PIGV: variants seen among roughly 807,000 people sequenced by gnomAD.
PIGV encodes GPI alpha-1,6-mannosyltransferase 2.
A neutral mutation model predicts 39.2 loss-of-function variants in PIGV; 27 were observed. That is an observed-to-expected ratio of 0.69 (90% CI 0.51 to 0.95). The LOEUF (loss-of-function observed/expected upper bound fraction) is 0.95. Among genes scored for constraint, PIGV ranks in the 40% least tolerant of loss-of-function variants. The probability of loss-of-function intolerance (pLI) is 0.00; values close to 1 mark genes in which losing one functional copy is unlikely to be tolerated. For missense variants in PIGV, 523 were observed against 586.4 expected, an observed-to-expected ratio of 0.89 and a Z score of 1.12; for synonymous variants, 232 against 241.7, an observed-to-expected ratio of 0.96 and a Z score of 0.37.
In PIGV at chr1:26,800,511, C is replaced by T. The variant is rs535499756; in HGVS notation, c.*2667C>T. The stretch of plus-strand genomic sequence containing the variant: ...GTTTGACATACCTTTACCAGTCCTC[C>T]TGGAAAAATGTTACTTTTATTGAAT... On this transcript the variant is annotated 3_prime_UTR_variant, in exon 4 of 4. Transcript: ENST00000674202. 6.6e-6 allele frequency among the ~76,000 whole-genome samples: 1 copy of T among 152,070 alleles called. No homozygotes were observed. Among genetic ancestry groups the T allele is most frequent in the South Asian group, 2.1e-4 (1 of 4,812 alleles).
At chr1:26,791,480 T>C (rs889793787) in intron 2 of PIGV, among the ~76,000 whole-genome samples, 1 of 152,210 alleles carries the variant, frequency 6.6e-6, no homozygotes, top group Non-Finnish European at 1.5e-5. Flanking sequence ...TAATAAAATA[T>C]CACGTATATA....
At position 26,797,765 on chromosome 1, in the gene PIGV, C is replaced by G. The variant is rs1463066620; in HGVS notation, c.1403C>G (p.Thr468Arg). 3.1e-6 allele frequency: 5 copies of G among 1,613,756 alleles called. No individual in the cohort carries two copies. The highest frequency in any genetic ancestry group is 1.3e-5 in the African/African-American group (1 of 74,912). ...CACTGGAAAACCTGTTCTCCAGTCA[C>G]ACGATACATTCTAGGCTACTTCCTG... Reference protein sequence around the residue: ...LYHWKTCSPVTRYILGYFLTY... With the variant: ...LYHWKTCSPVRRYILGYFLTY... The change falls in exon 4 of 4, where the codon ACA (threonine) becomes AGA (arginine). Residue 468 changes from threonine (T) to arginine (R), a missense_variant. Physicochemically the swap from Thr to Arg is moderately conservative, Grantham distance 71. Coordinates refer to ENST00000674202, the MANE Select transcript of PIGV (RefSeq NM_017837.4).
intron 1 of PIGV, among the ~76,000 whole-genome samples, chr1:26,790,041 C>G (rs1261139546): frequency 2.0e-5 from 3 of 152,252 alleles, no homozygotes; most frequent in African/African-American, 2.4e-5. Flanking sequence ...TAACAGTTTT[C>G]TCCATCCCTG....
chr1:26,795,623 T>C (rs1306293081), intron 3 of PIGV, among the ~76,000 whole-genome samples: 2 of 147,900 alleles, frequency 1.4e-5, no homozygotes, highest in Non-Finnish European at 3.0e-5. Context: ...AGGCAGAAAA[T>C]TGCTTGAACC....
intron 2 of PIGV, among the ~76,000 whole-genome samples, chr1:26,791,591 A>T (rs556385934): frequency 6.6e-6 from 1 of 152,224 alleles, no homozygotes; most frequent in Non-Finnish European, 1.5e-5. Flanking sequence ...GGGATGTTAG[A>T]TTCACATAAT....
At position 26,794,967 on chromosome 1, in the gene PIGV, C is replaced by T. The variant is rs555597231; in HGVS notation, c.933C>T (p.Tyr311=). The T allele has an allele frequency of 6.2e-7, 1 of 1,614,182 alleles. No homozygotes were observed. The highest frequency in any genetic ancestry group is 8.5e-7 in the Non-Finnish European group (1 of 1,180,026). ...PLIYSYIQDV[Y]WNVGFLKYYE... Reference sequence around the variant, plus strand: ...TATACAGCTATATCCAGGATGTCTACTGGAATGTTGGCTTTTTGAAATACT... The same window carrying T: ...TATACAGCTATATCCAGGATGTCTATTGGAATGTTGGCTTTTTGAAATACT... Residue 311 remains tyrosine, a synonymous_variant, in exon 3 of 4, where the codon TAC becomes TAT. Transcript: ENST00000674202.
intron 2 of PIGV, among the ~76,000 whole-genome samples, chr1:26,791,447 G>A (rs532272100): frequency 1.4e-4 from 22 of 152,142 alleles, no homozygotes; most frequent in East Asian, 9.6e-4. Flanking sequence ...TTTTCCCTCC[G>A]AGGCTCCCCT....
intron 3 of PIGV, among the ~76,000 whole-genome samples, chr1:26,797,282 G>A (rs528253263): frequency 6.6e-6 from 1 of 152,140 alleles, no homozygotes; most frequent in African/African-American, 2.4e-5. Context: ...GCTAAAATTA[G>A]ACCCCATAGA....
At chr1:26,787,670 A>C (rs2081253014), upstream of PIGV, 1 of 152,264 alleles carries the variant, frequency 6.6e-6, no homozygotes, top group African/African-American at 2.4e-5. Flanking sequence ...CACACCGGGA[A>C]CTCAGTGAAC....
In PIGV at chr1:26,797,928, C is replaced by A; in HGVS notation, c.*84C>A. The A allele has an allele frequency of 8.9e-7, 1 of 1,125,648 alleles. No homozygotes were observed. Among genetic ancestry groups the A allele is most frequent in the Non-Finnish European group, 1.4e-6 (1 of 738,898 alleles). 69.7% of individuals were successfully genotyped at this position (1,125,648 alleles called of 1,614,324 possible). A position where few individuals can be genotyped will look rare whatever the true frequency, so the allele number is the denominator to read the frequency against. ...ATACACATTGGAACTGCCTCTGCTGCCCTGGGATCATTACTGTGTCCATTA... is the reference window on the plus strand; with the variant it reads ...ATACACATTGGAACTGCCTCTGCTGACCTGGGATCATTACTGTGTCCATTA... On this transcript the variant is annotated 3_prime_UTR_variant, in exon 4 of 4. Coordinates refer to ENST00000674202, the MANE Select transcript of PIGV (RefSeq NM_017837.4).
chr1:26,794,483 A>G lies in PIGV; in HGVS notation c.449A>G (p.Tyr150Cys), dbSNP rs2081353438. The G allele has an allele frequency of 9.9e-6, 16 of 1,614,032 alleles. No homozygotes were observed. Among genetic ancestry groups the G allele is most frequent in the Non-Finnish European group, 1.4e-5 (16 of 1,180,046 alleles). The change falls in exon 3 of 4, where the codon TAT becomes TGT. Residue 150 changes from tyrosine (Y) to cysteine (C), a missense_variant. Physicochemically the swap from Tyr to Cys is radical, Grantham distance 194. Coordinates refer to ENST00000674202, the MANE Select transcript of PIGV (RefSeq NM_017837.4). ...LVLHCPHQSF[Y>C]AALLFCLSPA... ...TTGCACTGTCCCCACCAGTCCTTTT[A>G]TGCAGCTCTGCTTTTCTGTCTCAGC...
chr1:26,795,518 G>A (rs182886586), intron 3 of PIGV, among the ~76,000 whole-genome samples: 26 of 151,914 alleles, frequency 1.7e-4, no homozygotes, highest in Admixed American at 2.6e-4. Context: ...CAAGACCAGC[G>A]TGGCCAAGAT....
chr1:26,791,464 A>G (rs1049773483), intron 2 of PIGV, among the ~76,000 whole-genome samples: 1 of 152,128 alleles, frequency 6.6e-6, no homozygotes, highest in African/African-American at 2.4e-5. Flanking sequence ...CCCTTGATAC[A>G]CATTTTAATA....
At chr1:26,795,890 G>C (rs917416301) in intron 3 of PIGV, among the ~76,000 whole-genome samples, 1 of 149,266 alleles carries the variant, frequency 6.7e-6, no homozygotes, top group Non-Finnish European at 1.5e-5. Flanking sequence ...ATGGAGTCTC[G>C]CTCTGTTGCC....
rs1263336157 is a variant in PIGV at position 26,799,091 on chromosome 1, G to A, written c.*1247G>A. ...TTAGGAGAAAATATCCAGTTCTCCT[G>A]TTTTCAGCAATTAGAAGAAACTCCT... is the stretch of plus-strand genomic sequence containing the variant. On this transcript the variant is annotated 3_prime_UTR_variant, in exon 4 of 4. Transcript: ENST00000674202. Among the ~76,000 whole-genome samples, 1 of 152,188 alleles carries A rather than the reference G, an allele frequency of 6.6e-6. No individual in the cohort carries two copies. The highest frequency in any genetic ancestry group is 1.5e-5 in the Non-Finnish European group (1 of 68,044).
Position 26,794,489 on chromosome 1 carries a change from C to A in PIGV, c.455C>A (p.Ala152Asp), listed in dbSNP as rs773349099. 9 of 1,614,110 alleles carry A rather than the reference C, an allele frequency of 5.6e-6. No individual in the cohort carries two copies. The highest frequency in any genetic ancestry group is 5.9e-6 in the Non-Finnish European group (7 of 1,180,048). ...LHCPHQSFYAALLFCLSPANV... is the reference protein window; with the variant it reads ...LHCPHQSFYADLLFCLSPANV... ...TGTCCCCACCAGTCCTTTTATGCAG[C>A]TCTGCTTTTCTGTCTCAGCCCTGCC... Residue 152 changes from alanine to aspartate, a missense_variant, in exon 3 of 4, where the codon GCT (alanine) becomes GAT (aspartate). Physicochemically the swap from Ala to Asp is moderately radical, Grantham distance 126. Coordinates refer to ENST00000674202, the MANE Select transcript of PIGV (RefSeq NM_017837.4).
Position 26,794,693 on chromosome 1 carries a change from G to A in PIGV, c.659G>A (p.Gly220Asp). The A allele has an allele frequency of 6.2e-7, 1 of 1,614,202 alleles. No individual in the cohort carries two copies. Among genetic ancestry groups the A allele is most frequent in the Non-Finnish European group, 8.5e-7 (1 of 1,180,040 alleles). ...VGFLMHSQCQ[G>D]FFSSLTMLNP... Reference sequence around the variant, plus strand: ...TTCCTCATGCATTCTCAATGCCAAGGCTTTTTCTCTTCTCTAACGATGCTG... The same window carrying A: ...TTCCTCATGCATTCTCAATGCCAAGACTTTTTCTCTTCTCTAACGATGCTG... The change falls in exon 3 of 4, where the codon GGC becomes GAC. Residue 220 changes from glycine to aspartate, a missense_variant. Gly to Asp is a moderately conservative substitution (Grantham distance 94, BLOSUM62 -1). Coordinates refer to ENST00000674202, the MANE Select transcript of PIGV (RefSeq NM_017837.4).
Position 26,794,693 on chromosome 1 carries a change from G to T in PIGV, c.659G>T (p.Gly220Val), listed in dbSNP as rs369077530. 11 of 1,614,084 alleles carry T rather than the reference G, an allele frequency of 6.8e-6. No individual in the cohort carries two copies. In the African/African-American group the frequency reaches 1.1e-4, roughly 16 times the overall value. Residue 220 changes from glycine (G) to valine (V), a missense_variant, in exon 3 of 4, where the codon GGC (glycine) becomes GTC (valine). Physicochemically the swap from Gly to Val is moderately radical, Grantham distance 109. Coordinates refer to ENST00000674202, the MANE Select transcript of PIGV (RefSeq NM_017837.4). ...TTCCTCATGCATTCTCAATGCCAAG[G>T]CTTTTTCTCTTCTCTAACGATGCTG... The part of the protein sequence containing the change: ...VGFLMHSQCQ[G>V]FFSSLTMLNP...
intron 3 of PIGV, among the ~76,000 whole-genome samples, chr1:26,796,612 A>G (rs1316637347): frequency 1.3e-5 from 2 of 152,232 alleles, no homozygotes; most frequent in African/African-American, 4.8e-5. Context: ...GGAACATTCT[A>G]GGTAAAAGGA....
Sources: gnomAD v4.1 joint callset for allele counts (sites outside exome capture counted in the v4.1 genomes callset) on GRCh38, gnomAD v4.1.1 for gene constraint, MANE v1.5 for transcripts, NCBI Gene and HGNC (gene_info 2026-07-23, HGNC 2026-07-21) for gene names.